Variants in PLCB1 observed in about 807,000 individuals in gnomAD.
PLCB1 encodes 1-phosphatidylinositol 4,5-bisphosphate phosphodiesterase beta-1.
A neutral mutation model predicts 161.8 loss-of-function variants in PLCB1; 46 were observed. The observed-to-expected ratio is 0.28, with a 90% CI of 0.22 to 0.36. PLCB1 has a LOEUF of 0.36. Ranked by LOEUF, PLCB1 falls within the 10% of genes least tolerant of loss-of-function variation. PLCB1 has a pLI of 1.00. For synonymous variants in PLCB1, 517 were observed against 503.7 expected, an observed-to-expected ratio of 1.03 and a Z score of -0.35; for missense variants, 1,016 against 1,472.5, an observed-to-expected ratio of 0.69 and a Z score of 5.07.
intron 3 of PLCB1, among the ~76,000 whole-genome samples, chr20:8,459,698 T>C (rs1449586937): frequency 2.0e-5 from 3 of 152,214 alleles, no homozygotes; most frequent in African/African-American, 4.8e-5. Context: ...CTTCAGGTCA[T>C]TGAAACCATT....
chr20:8,332,768 G>A (rs1339471464), intron 2 of PLCB1, among the ~76,000 whole-genome samples: 2 of 152,234 alleles, frequency 1.3e-5, no homozygotes, highest in Non-Finnish European at 2.9e-5. Flanking sequence ...CATAGCCAGA[G>A]TTATGGAGTC....
intron 3 of PLCB1, among the ~76,000 whole-genome samples, chr20:8,482,910 T>TC (rs397743806): frequency 3.3e-5 from 5 of 151,672 alleles, no homozygotes; most frequent in Admixed American, 6.6e-5. Flanking sequence ...TTTTTTTTTT[T>TC]AACCTCTTTT....
rs1354961620 is a variant in PLCB1 at position 8,881,840 on chromosome 20, T to G, written c.3642T>G (p.Thr1214=). The G allele has an allele frequency of 1.9e-6, 3 of 1,609,442 alleles. No individual in the cohort carries two copies. Among genetic ancestry groups the G allele is most frequent in the Non-Finnish European group, 2.6e-6 (3 of 1,175,940 alleles). The change falls in exon 32 of 32, where the codon ACT becomes ACG. Residue 1214 remains threonine (T), a synonymous_variant. Transcript: ENST00000338037. ...GGDIPGKEFD[T]PL is the part of the protein sequence containing the mutation. ...ACATCCCAGGAAAAGAATTTGATAC[T>G]CCTCTGTGAATGCTCCTGCCAGGCC...
chr20:8,581,528 A>G (rs1244176818), intron 3 of PLCB1, among the ~76,000 whole-genome samples: 1 of 152,196 alleles, frequency 6.6e-6, no homozygotes, highest in Non-Finnish European at 1.5e-5. Context: ...TAATTAGAAT[A>G]GAGCTAAATG....
At chr20:8,304,901 T>C in intron 2 of PLCB1, among the ~76,000 whole-genome samples, 1 of 152,136 alleles carries the variant, frequency 6.6e-6, no homozygotes, top group East Asian at 1.9e-4. Flanking sequence ...CACTATAAAG[T>C]TTCTCATGTC....
intron 3 of PLCB1, among the ~76,000 whole-genome samples, chr20:8,471,392 T>C (rs1178440767): frequency 6.6e-6 from 1 of 152,160 alleles, no homozygotes; most frequent in East Asian, 1.9e-4. Context: ...CGGGGAAGCA[T>C]TGCTTTAAGG....
chr20:8,609,853 G>T (rs1310952876), intron 3 of PLCB1, among the ~76,000 whole-genome samples: 3 of 152,128 alleles, frequency 2.0e-5, no homozygotes, highest in African/African-American at 7.2e-5. Context: ...TGAAAGCATG[G>T]TATACACATC....
intron 2 of PLCB1, among the ~76,000 whole-genome samples, chr20:8,151,814 C>T (rs1044846670): frequency 3.9e-5 from 6 of 152,092 alleles, no homozygotes; most frequent in African/African-American, 1.4e-4. Context: ...GATTTTTCAA[C>T]TTGTAGATCA....
intron 3 of PLCB1, among the ~76,000 whole-genome samples, chr20:8,518,007 C>A (rs1168239280): frequency 2.0e-5 from 3 of 152,034 alleles, no homozygotes; most frequent in Non-Finnish European, 4.4e-5. Context: ...CATGGTGAAA[C>A]CCCGTCTCTA....
chr20:8,451,034 T>G (rs1981052733), intron 3 of PLCB1, among the ~76,000 whole-genome samples: 1 of 152,214 alleles, frequency 6.6e-6, no homozygotes, highest in Non-Finnish European at 1.5e-5. Flanking sequence ...GCTGTCCATG[T>G]TCAAGAACTA....
intron 31 of PLCB1, among the ~76,000 whole-genome samples, chr20:8,848,704 G>A (rs1321542514): frequency 6.6e-6 from 1 of 152,168 alleles, no homozygotes; most frequent in Non-Finnish European, 1.5e-5. Context: ...GGGCTGGGGG[G>A]CCATGAGGGC....
At chr20:8,669,280 C>A (rs1191613254) in intron 9 of PLCB1, among the ~76,000 whole-genome samples, 1 of 152,160 alleles carries the variant, frequency 6.6e-6, no homozygotes, top group Non-Finnish European at 1.5e-5. Context: ...TGGGGAGTTT[C>A]CGGAATTGCT....
At chr20:8,149,490 T>C (rs6039051) in intron 1 of PLCB1, among the ~76,000 whole-genome samples, 117,586 of 152,088 alleles carry the variant, frequency 0.77, 46,505 homozygotes, top group East Asian at 0.97. Flanking sequence ...CTAGATGATA[T>C]GACACACTAT....
At chr20:8,242,267 G>A (rs943365141) in intron 2 of PLCB1, among the ~76,000 whole-genome samples, 11 of 151,896 alleles carry the variant, frequency 7.2e-5, no homozygotes, top group African/African-American at 2.4e-4. Context: ...GCATCACTAG[G>A]CCTCAGTGCC....
At chr20:8,779,562 C>G (rs1052987389) in intron 27 of PLCB1, among the ~76,000 whole-genome samples, 12 of 135,320 alleles carry the variant, frequency 8.9e-5, no homozygotes, top group Admixed American at 1.5e-4. Flanking sequence ...AGCTCTACAT[C>G]TAAATAACTC....
chr20:8,194,884 C>T (rs1218217432), intron 2 of PLCB1, among the ~76,000 whole-genome samples: 6 of 152,062 alleles, frequency 3.9e-5, no homozygotes, highest in African/African-American at 1.2e-4. Flanking sequence ...ATCTGTCTTA[C>T]ATTAGACATT....
intron 2 of PLCB1, among the ~76,000 whole-genome samples, chr20:8,210,786 ACT>A (rs1467889706): frequency 6.6e-6 from 1 of 151,946 alleles, no homozygotes; most frequent in African/African-American, 2.4e-5. Flanking sequence ...TGTCAGACAA[ACT>A]CTGATTTCAT....
intron 10 of PLCB1, among the ~76,000 whole-genome samples, chr20:8,688,279 T>C (rs1232753837): frequency 6.6e-6 from 1 of 152,244 alleles, no homozygotes; most frequent in East Asian, 1.9e-4. Flanking sequence ...TCTCCCACTC[T>C]GTGGGTTGTC....
chr20:8,440,533 T>C (rs2122610107), intron 3 of PLCB1, among the ~76,000 whole-genome samples: 1 of 152,328 alleles, frequency 6.6e-6, no homozygotes, highest in South Asian at 2.1e-4. Context: ...CCAGTCCAGT[T>C]CTTGTCTATG....
Sources: gnomAD v4.1 joint callset for allele counts (sites outside exome capture counted in the v4.1 genomes callset) on GRCh38, gnomAD v4.1.1 for gene constraint, MANE v1.5 for transcripts, NCBI Gene and HGNC (gene_info 2026-07-23, HGNC 2026-07-21) for gene names.